Variants in ZNF721 observed in about 807,000 individuals in gnomAD.
ZNF721 encodes zinc finger protein 721.
ZNF721 carries 2 observed loss-of-function variants against 2.4 expected under a neutral mutation model. The ratio of observed to expected loss-of-function variants is 0.82; its 90% CI spans 0.34 to 2.58. The LOEUF is 2.58. Among genes scored for constraint, ZNF721 ranks in the 30% most tolerant of loss-of-function variants. The probability of loss-of-function intolerance (pLI) is 0.11; values close to 1 mark genes in which losing one functional copy is unlikely to be tolerated. For missense variants in ZNF721, 1,187 were observed against 1,085.5 expected, an observed-to-expected ratio of 1.09 and a Z score of -1.31; for synonymous variants, 398 against 381.8, an observed-to-expected ratio of 1.04 and a Z score of -0.50.
intron 2 of ZNF721, among the ~76,000 whole-genome samples, chr4:462,791 A>G (rs928310672): frequency 5.3e-5 from 8 of 152,226 alleles, no homozygotes; most frequent in African/African-American, 1.9e-4. Flanking sequence ...GCCTAAAATC[A>G]TAAAAACCCT....
At chr4:453,206 T>C (rs1364256705) in intron 2 of ZNF721, among the ~76,000 whole-genome samples, 2 of 152,246 alleles carry the variant, frequency 1.3e-5, no homozygotes, top group African/African-American at 4.8e-5. Flanking sequence ...AGCTAGCTGG[T>C]TGAACCAGTA....
At chr4:496,035 A>C (rs1304554885) in intron 1 of ZNF721, among the ~76,000 whole-genome samples, 7 of 152,196 alleles carry the variant, frequency 4.6e-5, no homozygotes, top group Non-Finnish European at 8.8e-5. Context: ...GGCTGGCAAA[A>C]AGGTGGCGTT....
intron 2 of ZNF721, among the ~76,000 whole-genome samples, chr4:447,895 A>AT (rs782106447): frequency 2.6e-5 from 4 of 152,230 alleles, no homozygotes; most frequent in Non-Finnish European, 4.4e-5. Flanking sequence ...TGTGTCCCAC[A>AT]TTGAGTTCCA....
intron 2 of ZNF721, among the ~76,000 whole-genome samples, chr4:465,999 CT>C (rs1205295172): frequency 2.2e-3 from 295 of 134,244 alleles, no homozygotes; most frequent in Non-Finnish European, 3.2e-3. Flanking sequence ...TTTTTCTTTT[CT>C]TTTTTTTTTT....
chr4:484,826 G>C (rs1224284724), intron 1 of ZNF721, among the ~76,000 whole-genome samples: 4 of 152,196 alleles, frequency 2.6e-5, no homozygotes, highest in Non-Finnish European at 4.4e-5. Flanking sequence ...CACTTGCCTT[G>C]TGATATTCTA....
At chr4:476,219 T>G (rs1417576622) in intron 1 of ZNF721, among the ~76,000 whole-genome samples, 1 of 152,212 alleles carries the variant, frequency 6.6e-6, no homozygotes, top group Non-Finnish European at 1.5e-5. Flanking sequence ...ACCCTTCTCC[T>G]TGATACTACT....
intron 1 of ZNF721, among the ~76,000 whole-genome samples, chr4:498,689 A>G (rs1339370374): frequency 1.3e-5 from 2 of 150,818 alleles, no homozygotes; most frequent in African/African-American, 4.9e-5. Flanking sequence ...AATCATTAAG[A>G]TATTTACCAG....
chr4:492,006 C>A (rs4690271), intron 1 of ZNF721, among the ~76,000 whole-genome samples: 80,938 of 150,020 alleles, frequency 0.54, 23,894 homozygotes, highest in East Asian at 0.71. Context: ...AAAAAAAATA[C>A]AAAAAATTAG....
At chr4:471,587 T>G (rs912438093) in intron 2 of ZNF721, among the ~76,000 whole-genome samples, 3 of 152,124 alleles carry the variant, frequency 2.0e-5, no homozygotes, top group Admixed American at 6.6e-5. Context: ...GTATAAATTT[T>G]TAGTTATAAG....
At chr4:446,253 A>G (rs1553864131) in intron 2 of ZNF721, among the ~76,000 whole-genome samples, 2 of 152,240 alleles carry the variant, frequency 1.3e-5, no homozygotes, top group African/African-American at 4.8e-5. Context: ...ATTATTCTCT[A>G]AAATTTTAAA....
chr4:458,137 A>G (rs1353962251), intron 2 of ZNF721, among the ~76,000 whole-genome samples: 1 of 152,252 alleles, frequency 6.6e-6, no homozygotes, highest in East Asian at 1.9e-4. Flanking sequence ...ACACCTGCTC[A>G]CATTGATTTG....
At chr4:486,056 C>CTTTGGGA (rs1715887665) in intron 1 of ZNF721, among the ~76,000 whole-genome samples, 1 of 152,010 alleles carries the variant, frequency 6.6e-6, no homozygotes, top group Non-Finnish European at 1.5e-5. Context: ...CTTTAAATAC[C>CTTTGGGA]ACCACCCACA....
chr4:440,389 A>G lies in ZNF721; in HGVS notation c.*1306T>C, dbSNP rs1714191735. ...TTTAGAGTTGAATTATTTGCTTTTG[A>G]AAAAAATTTTTACTTTTTTCAAGTG... is the stretch of plus-strand genomic sequence containing the variant. On this transcript the variant is annotated 3_prime_UTR_variant, in exon 3 of 3. Transcript: ENST00000511833. The G allele has an allele frequency of 1.3e-5, 2 of 149,936 alleles. No homozygotes were observed. Among genetic ancestry groups the G allele is most frequent in the South Asian group, 4.1e-4 (2 of 4,822 alleles). 9.3% of individuals were successfully genotyped at this position (149,936 alleles called of 1,614,324 possible).
intron 2 of ZNF721, among the ~76,000 whole-genome samples, chr4:465,654 G>T (rs1006748636): frequency 6.6e-6 from 1 of 151,790 alleles, no homozygotes; most frequent in Admixed American, 6.6e-5. Context: ...GGATGGTCTC[G>T]ATCTCCTGAC....
At chr4:470,194 T>G (rs1322757595) in intron 2 of ZNF721, among the ~76,000 whole-genome samples, 1 of 152,188 alleles carries the variant, frequency 6.6e-6, no homozygotes, top group Non-Finnish European at 1.5e-5. Context: ...AGTAGATCAT[T>G]GTCTTATACC....
At chr4:488,142 A>C (rs1715941019) in intron 1 of ZNF721, among the ~76,000 whole-genome samples, 1 of 152,162 alleles carries the variant, frequency 6.6e-6, no homozygotes, top group Non-Finnish European at 1.5e-5. Flanking sequence ...TGGGGCCCAC[A>C]CCCACCCTGT....
At chr4:491,717 C>T (rs1472287323) in intron 1 of ZNF721, among the ~76,000 whole-genome samples, 9 of 152,212 alleles carry the variant, frequency 5.9e-5, no homozygotes, top group Admixed American at 3.9e-4. Context: ...CTTCAGACTA[C>T]GTCATGACAA....
chr4:474,082 G>A lies in ZNF721; in HGVS notation c.-93-1381C>T, dbSNP rs1272061371. ...GCTGAGGCTCTGGCAAAATCACCGA[G>A]GCCTCCCTGAGGTGTGGAAGCAGGG... On this transcript the variant is annotated intron_variant, in intron 1 of 2. Coordinates refer to ENST00000511833, the MANE Select transcript of ZNF721 (RefSeq NM_133474.4). 4 of 1,382,852 alleles carry A rather than the reference G, an allele frequency of 2.9e-6. No homozygotes were observed. In the African/African-American group the frequency reaches 4.4e-5, roughly 15 times the overall value. 85.7% of individuals were successfully genotyped at this position (1,382,852 alleles called of 1,614,324 possible). A position where few individuals can be genotyped will look rare whatever the true frequency, so the allele number is the denominator to read the frequency against.
At chr4:480,523 A>G (rs1230080223) in intron 1 of ZNF721, among the ~76,000 whole-genome samples, 1 of 152,114 alleles carries the variant, frequency 6.6e-6, no homozygotes, top group Non-Finnish European at 1.5e-5. Context: ...CAAAGCTGAA[A>G]CTAAATACCC....
Sources: gnomAD v4.1 joint callset for allele counts (sites outside exome capture counted in the v4.1 genomes callset) on GRCh38, gnomAD v4.1.1 for gene constraint, MANE v1.5 for transcripts, NCBI Gene and HGNC (gene_info 2026-07-23, HGNC 2026-07-21) for gene names.